Variants in DOCK1 observed in about 807,000 individuals in gnomAD.
The protein encoded by DOCK1 is dedicator of cytokinesis 1, also known as dedicator of cytokinesis protein 1.
Under a neutral mutation model 262.7 loss-of-function variants are expected in DOCK1, and 138 were observed. The observed-to-expected ratio is 0.53, with a 90% CI of 0.46 to 0.61. DOCK1 has a LOEUF of 0.61. Among genes scored for constraint, DOCK1 ranks in the 20% least tolerant of loss-of-function variants. The pLI is 0.00. For missense variants in DOCK1, 1,908 were observed against 2,370.7 expected (o/e 0.80, Z 4.05); for synonymous variants, 866 against 867.4 (o/e 1.00, Z 0.03).
rs1247305212 is a variant in DOCK1, at chr10:127,109,040, G to C, written c.2517-1208G>C. On this transcript the variant is annotated intron_variant, in intron 24 of 51. Transcript: ENST00000623213. ...ATAAAATGCTAGGATAAAATTTCCT[G>C]TAGCTTAATTGTAGTTTCTGCTCCT... Among the ~76,000 whole-genome samples the C allele has an allele frequency of 3.9e-5, 6 of 152,270 alleles. No individual in the cohort carries two copies. In the East Asian group the frequency reaches 1.2e-3, roughly 29 times the overall value.
intron 1 of DOCK1, among the ~76,000 whole-genome samples, chr10:126,912,758 C>T (rs960699441): frequency 6.6e-6 from 1 of 150,838 alleles, no homozygotes; most frequent in East Asian, 1.9e-4. Context: ...AGAAAGGACA[C>T]TAGTCATGCT....
chr10:126,942,087 C>G (rs981800771), intron 1 of DOCK1, among the ~76,000 whole-genome samples: 2 of 151,894 alleles, frequency 1.3e-5, no homozygotes, highest in Admixed American at 6.6e-5. Context: ...TGCAGTGGCA[C>G]GATCTCGGCT....
intron 33 of DOCK1, among the ~76,000 whole-genome samples, chr10:127,364,849 T>G (rs1310742553): frequency 6.6e-6 from 1 of 152,034 alleles, no homozygotes; most frequent in East Asian, 1.9e-4. Flanking sequence ...CCTCCCTTCC[T>G]TCTTTCCTCC....
Position 127,409,300 on chromosome 10 carries a change from C to T in DOCK1, c.4265-13C>T, listed in dbSNP as rs12774391. 0.24 allele frequency: 384,597 copies of T among 1,613,428 alleles called. 47,950 individuals carry two copies. The highest frequency in any genetic ancestry group is 0.36 in the African/African-American group (27,051 of 74,846). On this transcript the variant is annotated splice_polypyrimidine_tract_variant and intron_variant, in intron 41 of 51. Coordinates refer to ENST00000623213, the MANE Select transcript of DOCK1 (RefSeq NM_001290223.2). ...CTATGCTGCCTTAGTGATCCTTAAC[C>T]CCCTCACCTCAGATATTCAGTGCTT... is the stretch of plus-strand genomic sequence containing the variant.
At chr10:127,369,173 G>A (rs1351737183) in intron 33 of DOCK1, among the ~76,000 whole-genome samples, 3 of 152,158 alleles carry the variant, frequency 2.0e-5, no homozygotes, top group East Asian at 3.9e-4. Context: ...GAATGTCAGC[G>A]GCTCTGCCAC....
intron 29 of DOCK1, among the ~76,000 whole-genome samples, chr10:127,331,288 T>C (rs1272596002): frequency 6.6e-6 from 1 of 152,086 alleles, no homozygotes; most frequent in African/African-American, 2.4e-5. Flanking sequence ...TGTTTTTTTT[T>C]GTTGTTGTTT....
chr10:127,214,142 C>A (rs7072507), intron 27 of DOCK1, among the ~76,000 whole-genome samples: 1 of 152,004 alleles, frequency 6.6e-6, no homozygotes, highest in African/African-American at 2.4e-5. Context: ...CCACTGCACC[C>A]GACCTTTTTT....
At chr10:127,330,427 A>C (rs971591985) in intron 29 of DOCK1, among the ~76,000 whole-genome samples, 4 of 150,852 alleles carry the variant, frequency 2.7e-5, no homozygotes, top group African/African-American at 7.3e-5. Flanking sequence ...AAAAACAGGG[A>C]AATAACAAGT....
chr10:127,290,833 A>G (rs1230132823), intron 29 of DOCK1, among the ~76,000 whole-genome samples: 3 of 152,150 alleles, frequency 2.0e-5, no homozygotes. Flanking sequence ...ATACAAGGCC[A>G]TTTGGGTTGT....
Position 127,145,817 on chromosome 10 carries a change from G to A in DOCK1, c.2847+18053G>A, listed in dbSNP as rs545600999. ...ATTGAGAGCATCATCTCCACTAAAC[G>A]TAGCAGTGATAGTTCTCATCACACA... On this transcript the variant is annotated intron_variant, in intron 27 of 51. Transcript: ENST00000623213. The A allele has an allele frequency of 2.4e-4, 79 of 331,836 alleles. 1 individual carries two copies. The highest frequency in any genetic ancestry group is 1.7e-3 in the South Asian group (75 of 43,828). The allele number at this position is 331,836 out of a possible 1,614,324, so 20.6% of individuals were successfully genotyped here. A position where few individuals can be genotyped will look rare whatever the true frequency, so the allele number is the denominator to read the frequency against.
chr10:127,409,672 CT>C (rs2067729713), intron 42 of DOCK1, among the ~76,000 whole-genome samples: 1 of 152,184 alleles, frequency 6.6e-6, no homozygotes, highest in Non-Finnish European at 1.5e-5. Context: ...GCCGTCTGGT[CT>C]CCTTTATAGA....
intron 33 of DOCK1, among the ~76,000 whole-genome samples, chr10:127,366,973 G>A (rs10829856): frequency 0.74 from 113,116 of 152,120 alleles, 42,002 homozygotes; most frequent in Middle Eastern, 0.77. Context: ...AAAGGTTGCT[G>A]TGTCTTTTGG....
chr10:127,310,743 C>A (rs183692179), intron 29 of DOCK1, among the ~76,000 whole-genome samples: 1 of 152,098 alleles, frequency 6.6e-6, no homozygotes, highest in Non-Finnish European at 1.5e-5. Flanking sequence ...ATTTAATGCC[C>A]CAGTTGTCGT....
chr10:127,221,218 G>A (rs1171893214), intron 27 of DOCK1, among the ~76,000 whole-genome samples: 3 of 152,164 alleles, frequency 2.0e-5, no homozygotes, highest in East Asian at 3.8e-4. Context: ...GGAAGAAATC[G>A]TAAAAATGGA....
chr10:126,989,969 T>G (rs763621428), intron 5 of DOCK1, among the ~76,000 whole-genome samples: 9 of 152,126 alleles, frequency 5.9e-5, no homozygotes, highest in Non-Finnish European at 1.0e-4. Context: ...TCCCTATAGC[T>G]GAGCTGAGAG....
chr10:127,148,141 C>G (rs1466265900), intron 27 of DOCK1, among the ~76,000 whole-genome samples: 1 of 152,164 alleles, frequency 6.6e-6, no homozygotes, highest in East Asian at 1.9e-4. Flanking sequence ...CAAGCTCCCC[C>G]TCTCTGATGT....
chr10:127,410,814 C>G, intron 42 of DOCK1, 26 bp from the exon 43 acceptor site: 1 of 1,608,442 alleles, frequency 6.2e-7, no homozygotes, highest in Non-Finnish European at 8.5e-7. Flanking sequence ...GGTTAAATAT[C>G]TAATGATCTG....
intron 29 of DOCK1, among the ~76,000 whole-genome samples, chr10:127,306,014 GTTTTT>G (rs534023263): frequency 7.6e-6 from 1 of 131,598 alleles, no homozygotes; most frequent in Non-Finnish European, 1.6e-5. Context: ...TTTTTTCCTG[GTTTTT>G]TTTTTTTTTT....
chr10:127,015,731 A>T (rs2041825569), intron 12 of DOCK1, among the ~76,000 whole-genome samples: 1 of 152,104 alleles, frequency 6.6e-6, no homozygotes, highest in African/African-American at 2.4e-5. Flanking sequence ...CCTGCCAGCC[A>T]GCTAGGATCA....
Sources: gnomAD v4.1 joint callset for allele counts (sites outside exome capture counted in the v4.1 genomes callset) on GRCh38, gnomAD v4.1.1 for gene constraint, MANE v1.5 for transcripts, NCBI Gene and HGNC (gene_info 2026-07-23, HGNC 2026-07-21) for gene names.